ATF6: variants seen among roughly 807,000 people sequenced by gnomAD.
The protein encoded by ATF6 is activating transcription factor 6.
A neutral mutation model predicts 83.6 loss-of-function variants in ATF6; 53 were observed. The ratio of observed to expected loss-of-function variants is 0.63; its 90% CI spans 0.51 to 0.80. The LOEUF (loss-of-function observed/expected upper bound fraction) is 0.80, where lower values mean the gene tolerates loss of function less well. Among genes scored for constraint, ATF6 ranks in the 30% least tolerant of loss-of-function variants. The pLI is 0.00. For synonymous variants in ATF6, 288 were observed against 285.8 expected (o/e 1.01, Z -0.08); for missense variants, 744 against 797.9 (o/e 0.93, Z 0.81).
intron 1 of ATF6, among the ~76,000 whole-genome samples, chr1:161,770,026 A>G (rs534832890): frequency 6.6e-5 from 10 of 152,288 alleles, no homozygotes; most frequent in African/African-American, 2.4e-4. Context: ...AGTATTATAT[A>G]GAATAGTTTC....
chr1:161,941,871 A>T (rs557969795), intron 15 of ATF6, among the ~76,000 whole-genome samples: 1 of 152,242 alleles, frequency 6.6e-6, no homozygotes, highest in Admixed American at 6.5e-5. Context: ...CCACTGTGTG[A>T]TAGAGATCTG....
chr1:161,902,237 A>G (rs1191186692), intron 14 of ATF6, among the ~76,000 whole-genome samples: 2 of 152,184 alleles, frequency 1.3e-5, no homozygotes, highest in East Asian at 3.8e-4. Context: ...TTCAGCTTGT[A>G]AATCATTCAC....
intron 12 of ATF6, among the ~76,000 whole-genome samples, chr1:161,856,040 T>C (rs1686751444): frequency 6.6e-6 from 1 of 152,200 alleles, no homozygotes; most frequent in South Asian, 2.1e-4. Flanking sequence ...ATGGGAAATA[T>C]TTCACCAGGT....
At chr1:161,889,364 A>C (rs1381639601) in intron 14 of ATF6, among the ~76,000 whole-genome samples, 2 of 152,228 alleles carry the variant, frequency 1.3e-5, no homozygotes, top group African/African-American at 4.8e-5. Flanking sequence ...ACTGAAGTCA[A>C]CTTCTCCCTC....
At chr1:161,787,131 A>T (rs1191330083) in intron 4 of ATF6, among the ~76,000 whole-genome samples, 1 of 152,118 alleles carries the variant, frequency 6.6e-6, no homozygotes, top group Non-Finnish European at 1.5e-5. Context: ...TCTAATACTG[A>T]TTATTTTCAC....
rs114240664 is a variant in ATF6 at position 161,850,318 on chromosome 1, A to G, written c.1320-1404A>G. Reference sequence around the variant, plus strand: ...CCCACTTGCTTGCAACTCTTCAGCCAGTGGTCTTTTTAAAGTTCTTTGAGC... The same window carrying G: ...CCCACTTGCTTGCAACTCTTCAGCCGGTGGTCTTTTTAAAGTTCTTTGAGC... On this transcript the variant is annotated intron_variant, in intron 10 of 15. Transcript: ENST00000367942. Among the ~76,000 whole-genome samples the G allele has an allele frequency of 1.5e-3, 235 of 152,048 alleles. 2 individuals carry two copies. Among genetic ancestry groups the G allele is most frequent in the Middle Eastern group, 3.4e-3 (1 of 294 alleles).
intron 15 of ATF6, among the ~76,000 whole-genome samples, chr1:161,946,526 G>A (rs1223404238): frequency 1.3e-5 from 2 of 152,196 alleles, no homozygotes; most frequent in African/African-American, 4.8e-5. Flanking sequence ...TCTCTTTATG[G>A]TTTGAGTTCC....
At chr1:161,787,394 A>G (rs1684768750) in intron 4 of ATF6, among the ~76,000 whole-genome samples, 1 of 152,196 alleles carries the variant, frequency 6.6e-6, no homozygotes, top group African/African-American at 2.4e-5. Flanking sequence ...GGATTTGGCC[A>G]GTGGGGGTCC....
chr1:161,871,653 A>C (rs560641183), intron 14 of ATF6, among the ~76,000 whole-genome samples: 1 of 151,802 alleles, frequency 6.6e-6, no homozygotes, highest in African/African-American at 2.4e-5. Flanking sequence ...AATGTATTTT[A>C]AACAACTGAT....
chr1:161,880,142 A>C (rs1571210362), intron 14 of ATF6, among the ~76,000 whole-genome samples: 1 of 152,136 alleles, frequency 6.6e-6, no homozygotes. Flanking sequence ...ATTTTCTGTT[A>C]TATGAAGCAA....
At chr1:161,927,449 G>A (rs561900877) in intron 15 of ATF6, among the ~76,000 whole-genome samples, 61 of 152,274 alleles carry the variant, frequency 4.0e-4, no homozygotes, top group Non-Finnish European at 7.6e-4. Flanking sequence ...GATTACAAGC[G>A]TGAGCCACCA....
At chr1:161,853,056 C>T (rs1376543200) in intron 11 of ATF6, among the ~76,000 whole-genome samples, 168 bp from the exon 12 acceptor site, 6 of 152,254 alleles carry the variant, frequency 3.9e-5, no homozygotes, top group South Asian at 4.1e-4. Context: ...TTAAAAACAA[C>T]GTTAAGTGTC....
intron 15 of ATF6, among the ~76,000 whole-genome samples, chr1:161,944,591 G>A (rs1688712167): frequency 6.6e-6 from 1 of 152,134 alleles, no homozygotes; most frequent in Non-Finnish European, 1.5e-5. Flanking sequence ...CCCTACATTT[G>A]TGCAAAATGT....
intron 14 of ATF6, among the ~76,000 whole-genome samples, chr1:161,911,303 A>G (rs1224693946): frequency 3.5e-4 from 54 of 152,180 alleles, no homozygotes; most frequent in Admixed American, 3.5e-3. Flanking sequence ...TTTTTTCTGT[A>G]ACAGTTCATA....
Position 161,821,111 on chromosome 1 carries a change from C to A in ATF6, c.1137C>A (p.Val379=). 1 of 1,613,056 alleles carries A rather than the reference C, an allele frequency of 6.2e-7. No homozygotes were observed. The highest frequency in any genetic ancestry group is 1.1e-5 in the South Asian group (1 of 90,948). ...TCCCTAGTCCAAAGCGAAGAGTTGT[C>A]TGTGTGATGATAGTATTGGCATTTA... ...LKVPSPKRRV[V]CVMIVLAFII... is the part of the protein sequence containing the mutation. The change falls in exon 9 of 16, where the codon GTC becomes GTA. Residue 379 remains valine (V), a synonymous_variant. Coordinates refer to ENST00000367942, the MANE Select transcript of ATF6 (RefSeq NM_007348.4).
chr1:161,932,569 A>G (rs536114559), intron 15 of ATF6, among the ~76,000 whole-genome samples: 2 of 152,346 alleles, frequency 1.3e-5, no homozygotes, highest in East Asian at 1.9e-4. Flanking sequence ...ATTAGCTACT[A>G]TTAAGAATTT....
chr1:161,879,947 G>A (rs972787558), intron 14 of ATF6, among the ~76,000 whole-genome samples: 2 of 151,920 alleles, frequency 1.3e-5, no homozygotes, highest in Non-Finnish European at 1.5e-5. Context: ...CTTTAATTTT[G>A]TGCTGCCACA....
At chr1:161,771,745 C>G (rs1215574480) in intron 1 of ATF6, among the ~76,000 whole-genome samples, 1 of 152,214 alleles carries the variant, frequency 6.6e-6, no homozygotes, top group Non-Finnish European at 1.5e-5. Flanking sequence ...TCCCGAGTAG[C>G]TGGGACTACA....
chr1:161,824,602 G>T (rs1040042120), intron 9 of ATF6, among the ~76,000 whole-genome samples: 1 of 152,064 alleles, frequency 6.6e-6, no homozygotes. Context: ...CCAGTGCTTA[G>T]AACAGTGGCT....
Sources: gnomAD v4.1 joint callset for allele counts (sites outside exome capture counted in the v4.1 genomes callset) on GRCh38, gnomAD v4.1.1 for gene constraint, MANE v1.5 for transcripts, NCBI Gene and HGNC (gene_info 2026-07-23, HGNC 2026-07-21) for gene names.